The following TCERG1L variants were observed in gnomAD, a reference collection of about 807,000 sequenced individuals.
The protein encoded by TCERG1L is transcription elongation regulator 1-like protein.
Under a neutral mutation model 56.3 loss-of-function variants are expected in TCERG1L, and 37 were observed. That is an observed-to-expected ratio of 0.66 (90% CI 0.51 to 0.87). The LOEUF is 0.87. Among genes scored for constraint, TCERG1L ranks in the 40% least tolerant of loss-of-function variants. The probability of loss-of-function intolerance (pLI) is 0.00; values close to 1 mark genes in which losing one functional copy is unlikely to be tolerated. For missense variants in TCERG1L, 799 were observed against 774.2 expected, an observed-to-expected ratio of 1.03 and a Z score of -0.38; for synonymous variants, 324 against 326.3, an observed-to-expected ratio of 0.99 and a Z score of 0.08.
chr10:131,257,320 C>G (rs1174444757), intron 4 of TCERG1L, among the ~76,000 whole-genome samples: 3 of 152,194 alleles, frequency 2.0e-5, no homozygotes. Context: ...CAGGGACCAG[C>G]CTTCCCGCCC....
rs184356743 is a variant in TCERG1L, at chr10:131,124,303, A to G, written c.1260-7369T>C. ...GCCGAGCTCCAGATTCTACTTTCCA[A>G]AAGAACAAGGTTCCAGGGTCTCTAG... On this transcript the variant is annotated intron_variant, in intron 8 of 11. Transcript: ENST00000368642. Among the ~76,000 whole-genome samples the G allele has an allele frequency of 5.2e-4, 79 of 152,240 alleles. 2 individuals are homozygous for G. The highest frequency in any genetic ancestry group is 1.8e-3 in the African/African-American group (75 of 41,556).
chr10:131,256,578 G>T (rs1180534763), intron 4 of TCERG1L, among the ~76,000 whole-genome samples: 1 of 152,088 alleles, frequency 6.6e-6, no homozygotes, highest in Non-Finnish European at 1.5e-5. Context: ...AATAAATGCT[G>T]TCTTTCTTAA....
At chr10:131,128,825 G>A (rs1325873668) in intron 8 of TCERG1L, among the ~76,000 whole-genome samples, 1 of 152,130 alleles carries the variant, frequency 6.6e-6, no homozygotes, top group Non-Finnish European at 1.5e-5. Context: ...AGACAGACGA[G>A]CCGACATCAC....
intron 6 of TCERG1L, among the ~76,000 whole-genome samples, chr10:131,159,172 C>A (rs1013440467): frequency 6.6e-6 from 1 of 152,242 alleles, no homozygotes; most frequent in African/African-American, 2.4e-5. Flanking sequence ...GCTCCTTTCT[C>A]CTTTCTGTCA....
chr10:131,311,676 C>G lies in TCERG1L; in HGVS notation c.-41G>C. On this transcript the variant is annotated 5_prime_UTR_variant, in exon 1 of 12. Coordinates refer to ENST00000368642, the MANE Select transcript of TCERG1L (RefSeq NM_174937.4). This position sits in a 1 kb window ranked among gnomAD's most constrained non-coding sequence, Gnocchi z 4.0. ...TGACGGCGGCGGCGGGGGCGGCGGG[C>G]GCCCGAGATGCTGGGCCGGCGGCGG... 9.7e-7 allele frequency: 1 copy of G among 1,029,868 alleles called. No homozygotes were observed. Among genetic ancestry groups the G allele is most frequent in the East Asian group, 5.5e-5 (1 of 18,224 alleles). The allele number at this position is 1,029,868 out of a possible 1,614,324, so 63.8% of individuals were successfully genotyped here.
intron 4 of TCERG1L, among the ~76,000 whole-genome samples, chr10:131,179,033 C>A (rs969210632): frequency 1.3e-5 from 2 of 152,150 alleles, no homozygotes; most frequent in Admixed American, 1.3e-4. Flanking sequence ...CAGCCTCCAG[C>A]CCCTCTGACA....
At chr10:131,193,306 G>A (rs1465564841) in intron 4 of TCERG1L, among the ~76,000 whole-genome samples, 2 of 152,118 alleles carry the variant, frequency 1.3e-5, no homozygotes, top group Non-Finnish European at 2.9e-5. Context: ...CTATTCTCCA[G>A]GTTGTCTGTT....
intron 3 of TCERG1L, among the ~76,000 whole-genome samples, chr10:131,265,401 A>G (rs1309495595): frequency 6.6e-6 from 1 of 152,254 alleles, no homozygotes; most frequent in Non-Finnish European, 1.5e-5. Context: ...GAAGACAGAA[A>G]GTTAATCATA....
chr10:131,246,906 C>T (rs1846045683), intron 4 of TCERG1L, among the ~76,000 whole-genome samples: 1 of 152,138 alleles, frequency 6.6e-6, no homozygotes, highest in African/African-American at 2.4e-5. Context: ...TAGCAGGCGC[C>T]CTCTCGCCCA....
intron 4 of TCERG1L, among the ~76,000 whole-genome samples, chr10:131,254,710 C>T (rs1027649941): frequency 6.6e-6 from 1 of 152,146 alleles, no homozygotes; most frequent in Non-Finnish European, 1.5e-5. Context: ...GGAGAGGAGG[C>T]ATCAGGCAAA....
chr10:131,260,435 T>C lies in TCERG1L; in HGVS notation c.680A>G (p.His227Arg). 1 of 1,421,134 alleles carries C rather than the reference T, an allele frequency of 7.0e-7. No homozygotes were observed. The allele number at this position is 1,421,134 out of a possible 1,614,324, so 88.0% of individuals were successfully genotyped here. A position where few individuals can be genotyped will look rare whatever the true frequency, so the allele number is the denominator to read the frequency against. Residue 227 changes from histidine (H) to arginine (R), a missense_variant, in exon 4 of 12, where the codon CAT (histidine) becomes CGT (arginine). Transcript: ENST00000368642. This position sits in a 1 kb window ranked among gnomAD's most constrained non-coding sequence, Gnocchi z 5.8. ...GCTGCTGGTCACCTTAAGGCTGTTATGGCAGCCACCTGCGGAAGAGGGATG... is the reference window on the plus strand; with the variant it reads ...GCTGCTGGTCACCTTAAGGCTGTTACGGCAGCCACCTGCGGAAGAGGGATG... ...LAPQPIPGGC[H>R]NSLKVTSSPA...
At chr10:131,155,382 G>A (rs1360037480) in intron 6 of TCERG1L, among the ~76,000 whole-genome samples, 1 of 152,212 alleles carries the variant, frequency 6.6e-6, no homozygotes, top group Non-Finnish European at 1.5e-5. Context: ...TCGGGGCCCT[G>A]CCAGCTCTGC....
intron 4 of TCERG1L, among the ~76,000 whole-genome samples, chr10:131,194,926 T>G (rs1253571078): frequency 6.6e-6 from 1 of 152,214 alleles, no homozygotes; most frequent in East Asian, 1.9e-4. Flanking sequence ...CAAGGAGCAA[T>G]AAATACTGCT....
At chr10:131,257,139 C>T (rs919235653) in intron 4 of TCERG1L, among the ~76,000 whole-genome samples, 20 of 151,668 alleles carry the variant, frequency 1.3e-4, no homozygotes, top group East Asian at 1.2e-3. Flanking sequence ...CAGAAGGGAG[C>T]GCTGTCCCTG....
chr10:131,301,132 T>C (rs1846758012), intron 3 of TCERG1L, among the ~76,000 whole-genome samples: 1 of 152,078 alleles, frequency 6.6e-6, no homozygotes, highest in Non-Finnish European at 1.5e-5. Flanking sequence ...TATTGCTTTT[T>C]ACTCAGCACT....
At chr10:131,247,523 C>T (rs938211633) in intron 4 of TCERG1L, among the ~76,000 whole-genome samples, 2 of 142,846 alleles carry the variant, frequency 1.4e-5, no homozygotes, top group Non-Finnish European at 3.3e-5. Context: ...TGGTCGAGGC[C>T]CTGAGGCTTA....
intron 3 of TCERG1L, among the ~76,000 whole-genome samples, chr10:131,285,789 G>A (rs993032427): frequency 3.3e-5 from 5 of 152,030 alleles, no homozygotes; most frequent in African/African-American, 1.2e-4. Flanking sequence ...AGAAAAATGT[G>A]GCTATCTTAA....
At chr10:131,225,348 C>T (rs1325114806) in intron 4 of TCERG1L, among the ~76,000 whole-genome samples, 1 of 152,140 alleles carries the variant, frequency 6.6e-6, no homozygotes, top group Non-Finnish European at 1.5e-5. Context: ...CAGGATCACG[C>T]AGAAGAACCT....
At chr10:131,120,297 C>A (rs1259009313) in intron 8 of TCERG1L, among the ~76,000 whole-genome samples, 1 of 152,150 alleles carries the variant, frequency 6.6e-6, no homozygotes, top group Non-Finnish European at 1.5e-5. Context: ...ATCCAAGACC[C>A]AGTGGAGCTG....
Sources: allele counts gnomAD v4.1 joint callset (sites outside exome capture counted in the v4.1 genomes callset), GRCh38; gene constraint gnomAD v4.1.1; non-coding constraint Gnocchi (gnomAD v3.1); transcripts MANE v1.5; gene names NCBI Gene and HGNC (gene_info 2026-07-23, HGNC 2026-07-21).